The following CACHD1 variants were observed in gnomAD, a reference collection of about 807,000 sequenced individuals.
CACHD1 encodes the protein VWFA and cache domain-containing protein 1.
CACHD1 carries 71 observed loss-of-function variants against 138.7 expected under a neutral mutation model. The ratio of observed to expected loss-of-function variants is 0.51; its 90% CI spans 0.42 to 0.62. The LOEUF (loss-of-function observed/expected upper bound fraction) is 0.62, where lower values mean the gene tolerates loss of function less well. CACHD1 is among the 20% of genes least tolerant of loss of function. The probability of loss-of-function intolerance (pLI) is 0.00; values close to 1 mark genes in which losing one functional copy is unlikely to be tolerated. For missense variants in CACHD1, 1,389 were observed against 1,625.3 expected, an observed-to-expected ratio of 0.85 and a Z score of 2.50; for synonymous variants, 578 against 591.5, an observed-to-expected ratio of 0.98 and a Z score of 0.33.
intron 1 of CACHD1, among the ~76,000 whole-genome samples, chr1:64,533,731 A>G (rs1179394108): frequency 3.8e-5 from 5 of 131,768 alleles, no homozygotes; most frequent in Non-Finnish European, 8.0e-5. Context: ...AATAATAGAT[A>G]TCTTTTTCTT....
intron 26 of CACHD1, among the ~76,000 whole-genome samples, chr1:64,682,384 C>T (rs1557556438): frequency 6.6e-6 from 1 of 152,156 alleles, no homozygotes; most frequent in Non-Finnish European, 1.5e-5. Flanking sequence ...CCTCTTAGGT[C>T]CCGCTCTCCA....
At chr1:64,503,393 C>G (rs305524) in intron 1 of CACHD1, among the ~76,000 whole-genome samples, 146,034 of 152,346 alleles carry the variant, frequency 0.96, 70,022 homozygotes, top group African/African-American at 0.98. Context: ...ACATGGAAAA[C>G]CCAAAACAAA....
In CACHD1 at chr1:64,675,993, TTAATAATAATAATAATAATAA is replaced by T. The variant is rs6143245; in HGVS notation, c.2975+37_2975+57del. The stretch of plus-strand genomic sequence containing the variant: ...CCAATGCAGAGAACCGGTAAAATAA[TTAATAATAATAATAATAATAA>T]TAATAATAATAATAATAATAATAAT... On this transcript the variant is annotated intron_variant, in intron 21 of 26. Transcript: ENST00000651257. 0.12 allele frequency: 51,480 copies of T among 421,552 alleles called. 5,835 individuals are homozygous for T. Among genetic ancestry groups the T allele is most frequent in the East Asian group, 0.5 (10,352 of 20,624 alleles). The allele number at this position is 421,552 out of a possible 1,614,324, so 26.1% of individuals were successfully genotyped here.
chr1:64,625,288 G>A (rs926275700), intron 4 of CACHD1, among the ~76,000 whole-genome samples: 6 of 152,178 alleles, frequency 3.9e-5, no homozygotes, highest in Admixed American at 2.0e-4. Context: ...AGACACTGGG[G>A]ACTTGGAAAG....
intron 2 of CACHD1, among the ~76,000 whole-genome samples, chr1:64,576,648 T>C (rs1237503942): frequency 6.6e-6 from 1 of 152,140 alleles, no homozygotes; most frequent in Non-Finnish European, 1.5e-5. Flanking sequence ...ACTTGTATGC[T>C]CCATATGCCT....
chr1:64,661,668 G>A (rs1275305331), intron 13 of CACHD1, among the ~76,000 whole-genome samples: 1 of 151,950 alleles, frequency 6.6e-6, no homozygotes, highest in Non-Finnish European at 1.5e-5. Flanking sequence ...CTTTTTGGCA[G>A]GTCCTTGCAT....
chr1:64,637,715 A>G (rs1041695276), intron 7 of CACHD1, among the ~76,000 whole-genome samples: 2 of 152,332 alleles, frequency 1.3e-5, no homozygotes, highest in Non-Finnish European at 1.5e-5. Flanking sequence ...TAGCCCAAGT[A>G]AGATGTTTCT....
At chr1:64,620,322 C>G (rs999428047) in intron 4 of CACHD1, among the ~76,000 whole-genome samples, 1 of 152,082 alleles carries the variant, frequency 6.6e-6, no homozygotes, top group Non-Finnish European at 1.5e-5. Context: ...TAATAGTGAT[C>G]ACCACAGAGA....
At chr1:64,498,753 C>T (rs74080202) in intron 1 of CACHD1, among the ~76,000 whole-genome samples, 13,635 of 152,268 alleles carry the variant, frequency 0.09, 1,486 homozygotes, top group African/African-American at 0.26. Context: ...GGACTGACAT[C>T]TACAACTCAG....
chr1:64,636,930 A>G (rs1373892971), intron 7 of CACHD1, among the ~76,000 whole-genome samples: 1 of 152,144 alleles, frequency 6.6e-6, no homozygotes, highest in African/African-American at 2.4e-5. Context: ...AGTATACAGG[A>G]TGTTGCTCAT....
rs1646540412 is a variant in CACHD1 at position 64,526,576 on chromosome 1, G to GA, written c.199-24017dup. On this transcript the variant is annotated intron_variant, in intron 1 of 26. Coordinates refer to ENST00000651257, the MANE Select transcript of CACHD1 (RefSeq NM_020925.4). ...ACTCTCAGGTTTAAAAAGACTTGAG[G>GA]AGGGGGGTGAGGAGAGCATGTCAGG... Among the ~76,000 whole-genome samples the GA allele has an allele frequency of 2.6e-5, 4 of 152,358 alleles. 1 individual carries two copies. The South Asian group carries it at 8.3e-4, about 32-fold the overall frequency.
At chr1:64,639,234 T>C (rs188516191) in intron 7 of CACHD1, among the ~76,000 whole-genome samples, 1 of 152,364 alleles carries the variant, frequency 6.6e-6, no homozygotes, top group Non-Finnish European at 1.5e-5. Flanking sequence ...CTCCTCATGC[T>C]GTATCTATGT....
intron 1 of CACHD1, among the ~76,000 whole-genome samples, chr1:64,485,383 A>G (rs1434474565): frequency 6.6e-6 from 1 of 152,178 alleles, no homozygotes; most frequent in Non-Finnish European, 1.5e-5. Context: ...CCTTTTCCAG[A>G]AGAGGATAAA....
chr1:64,655,163 A>G (rs1489168030), intron 12 of CACHD1, among the ~76,000 whole-genome samples: 1 of 152,160 alleles, frequency 6.6e-6, no homozygotes, highest in Non-Finnish European at 1.5e-5. Context: ...GCTACTCAGG[A>G]GGCTGAGGTG....
intron 5 of CACHD1, among the ~76,000 whole-genome samples, chr1:64,631,045 C>G (rs903148652): frequency 2.0e-5 from 3 of 152,172 alleles, no homozygotes; most frequent in African/African-American, 7.2e-5. Context: ...CAGGACATAG[C>G]AACACAAGAA....
At chr1:64,539,371 C>T (rs1171406756) in intron 1 of CACHD1, among the ~76,000 whole-genome samples, 1 of 152,164 alleles carries the variant, frequency 6.6e-6, no homozygotes, top group Non-Finnish European at 1.5e-5. Context: ...GTGCCTACCA[C>T]ATGCATAAAA....
chr1:64,514,433 CTG>C (rs1364898372), intron 1 of CACHD1, among the ~76,000 whole-genome samples: 1 of 152,188 alleles, frequency 6.6e-6, no homozygotes, highest in Non-Finnish European at 1.5e-5. Flanking sequence ...GCCAGCTTGA[CTG>C]TGAGTTTTCT....
At chr1:64,640,622 T>A (rs1648675650) in intron 7 of CACHD1, among the ~76,000 whole-genome samples, 1 of 151,490 alleles carries the variant, frequency 6.6e-6, no homozygotes, top group Non-Finnish European at 1.5e-5. Flanking sequence ...TGCAGTAAGC[T>A]GAGATCATAC....
In CACHD1 at chr1:64,671,574, T is replaced by C; in HGVS notation, c.2398T>C (p.Ser800Pro). 2 of 1,614,018 alleles carry C rather than the reference T, an allele frequency of 1.2e-6. No individual in the cohort carries two copies. Among genetic ancestry groups the C allele is most frequent in the Non-Finnish European group, 1.7e-6 (2 of 1,179,908 alleles). ...CTTTTTCACTTAAAGTACACAGCTG[T>C]CTTCTGGGCACACTGTGGCTGTGAT... is the stretch of plus-strand genomic sequence containing the variant. ...HTIHSSSTQL[S>P]SGHTVAVMGI... Residue 800 changes from serine (S) to proline (P), a missense_variant, in exon 17 of 27, where the codon TCT becomes CCT. Transcript: ENST00000651257.
Sources: gnomAD v4.1 joint callset for allele counts (sites outside exome capture counted in the v4.1 genomes callset) on GRCh38, gnomAD v4.1.1 for gene constraint, MANE v1.5 for transcripts, NCBI Gene and HGNC (gene_info 2026-07-23, HGNC 2026-07-21) for gene names.